Variants in NPAS2 observed in about 807,000 individuals in gnomAD.
NPAS2 encodes the protein neuronal PAS domain protein 2.
A neutral mutation model predicts 107.5 loss-of-function variants in NPAS2; 23 were observed. The ratio of observed to expected loss-of-function variants is 0.21; its 90% CI spans 0.15 to 0.30. The LOEUF (loss-of-function observed/expected upper bound fraction) is 0.30. Ranked by LOEUF, NPAS2 falls within the 10% of genes least tolerant of loss-of-function variation. The pLI is 1.00. For synonymous variants in NPAS2, 403 were observed against 417.5 expected (o/e 0.97, Z 0.42); for missense variants, 756 against 1,043.3 (o/e 0.72, Z 3.79).
Position 100,820,890 on chromosome 2 carries a change from C to T in NPAS2, c.-23+476C>T. On this transcript the variant is annotated intron_variant, in intron 1 of 20. Transcript: ENST00000335681. The surrounding 1 kb of genome is among the most constrained non-coding windows in gnomAD (Gnocchi z 5.6). The stretch of plus-strand genomic sequence containing the variant: ...CCTGGGCCCGCGGTCTCTCGGAGTC[C>T]CTGGGTCGGAATTGGTTCCGGGCCG... 1 of 462,272 alleles carries T rather than the reference C, an allele frequency of 2.2e-6. No individual in the cohort carries two copies. Among genetic ancestry groups the T allele is most frequent in the Non-Finnish European group, 3.7e-6 (1 of 268,710 alleles). The allele number at this position is 462,272 out of a possible 1,614,324, so 28.6% of individuals were successfully genotyped here.
At chr2:100,900,568 A>G (rs1321948503) in intron 1 of NPAS2, among the ~76,000 whole-genome samples, 1 of 152,160 alleles carries the variant, frequency 6.6e-6, no homozygotes, top group Non-Finnish European at 1.5e-5. Flanking sequence ...TCCTAGATAT[A>G]TACACCCAAG....
chr2:100,977,617 C>T (rs994803742), intron 14 of NPAS2, 93 bp from the exon 15 acceptor site: 37 of 1,058,332 alleles, frequency 3.5e-5, no homozygotes, highest in Admixed American at 2.3e-4. Flanking sequence ...CACCCCAGTG[C>T]GGAACGCAGA....
intron 1 of NPAS2, among the ~76,000 whole-genome samples, chr2:100,841,967 C>T (rs966495931): frequency 1.5e-4 from 23 of 152,278 alleles, no homozygotes; most frequent in African/African-American, 4.8e-4. Context: ...CACAAGCATG[C>T]ACAGCATATT....
intron 1 of NPAS2, among the ~76,000 whole-genome samples, chr2:100,835,520 C>T (rs994705114): frequency 3.9e-5 from 6 of 152,172 alleles, no homozygotes; most frequent in African/African-American, 9.7e-5. Flanking sequence ...AAAAGAGGAA[C>T]GCTTGCAGGA....
chr2:100,926,852 C>G (rs1192612068), intron 3 of NPAS2, among the ~76,000 whole-genome samples: 1 of 151,838 alleles, frequency 6.6e-6, no homozygotes, highest in Non-Finnish European at 1.5e-5. Context: ...GGCATTCTAT[C>G]TAAGAAATCA....
intron 1 of NPAS2, among the ~76,000 whole-genome samples, chr2:100,843,189 A>C (rs558553789): frequency 1.3e-5 from 2 of 149,988 alleles, no homozygotes; most frequent in African/African-American, 4.9e-5. Flanking sequence ...ACTGCACTCC[A>C]GCCTGGTGAC....
chr2:100,990,672 T>C, intron 18 of NPAS2, 108 bp from the exon 19 acceptor site: 2 of 1,125,718 alleles, frequency 1.8e-6, no homozygotes, highest in South Asian at 2.6e-5. Flanking sequence ...GAGTGGGGAT[T>C]AGAGTCAACC....
intron 5 of NPAS2, among the ~76,000 whole-genome samples, chr2:100,945,610 C>T (rs1361130651): frequency 6.6e-6 from 1 of 152,218 alleles, no homozygotes; most frequent in Non-Finnish European, 1.5e-5. Flanking sequence ...CGAGGCCTCT[C>T]TCATCTGGGC....
chr2:100,982,057 C>T (rs1677475463), intron 15 of NPAS2, among the ~76,000 whole-genome samples, 174 bp from the exon 16 acceptor site: 1 of 152,212 alleles, frequency 6.6e-6, no homozygotes, highest in Non-Finnish European at 1.5e-5. Context: ...GATGCCCAGA[C>T]CTCATCTGCA....
intron 7 of NPAS2, among the ~76,000 whole-genome samples, chr2:100,950,412 G>A (rs1338691700): frequency 6.6e-6 from 1 of 152,232 alleles, no homozygotes; most frequent in Non-Finnish European, 1.5e-5. Flanking sequence ...AGCAGATGAT[G>A]ACAGCATTAA....
intron 7 of NPAS2, among the ~76,000 whole-genome samples, chr2:100,957,921 C>T (rs1675675685): frequency 6.6e-6 from 1 of 151,880 alleles, no homozygotes; most frequent in Non-Finnish European, 1.5e-5. Context: ...GAGCGAAACT[C>T]AGTCTCAAAA....
chr2:100,980,271 G>T (rs541414463), intron 15 of NPAS2, among the ~76,000 whole-genome samples: 29 of 152,292 alleles, frequency 1.9e-4, no homozygotes, highest in African/African-American at 6.5e-4. Flanking sequence ...GGTGGAAGGG[G>T]CAACGCTGAG....
chr2:100,821,611 TCCC>T (rs1371166850), intron 1 of NPAS2, among the ~76,000 whole-genome samples: 1 of 152,160 alleles, frequency 6.6e-6, no homozygotes. Flanking sequence ...CTAAAGTAGT[TCCC>T]AGCAAGACAT....
At position 100,990,005 on chromosome 2, in the gene NPAS2, C is replaced by T. The variant is rs112382660; in HGVS notation, c.1828-251C>T. On this transcript the variant is annotated intron_variant, in intron 17 of 20. Coordinates refer to ENST00000335681, the MANE Select transcript of NPAS2 (RefSeq NM_002518.4). ...CATGTGTCTGCAGTAGAATTTGAAG[C>T]AGAAAGTAGTTCAGTTCAAGGCACA... The T allele has an allele frequency of 5.6e-4, 276 of 489,230 alleles. 3 individuals are homozygous for T. The highest frequency in any genetic ancestry group is 4.8e-3 in the African/African-American group (248 of 52,096). The allele number at this position is 489,230 out of a possible 1,614,324, so 30.3% of individuals were successfully genotyped here.
intron 1 of NPAS2, among the ~76,000 whole-genome samples, chr2:100,892,862 C>T (rs753602801): frequency 6.6e-6 from 1 of 152,060 alleles, no homozygotes; most frequent in Non-Finnish European, 1.5e-5. Flanking sequence ...GGATTACAGG[C>T]GTGCACCAAC....
At chr2:100,863,652 A>G (rs570523557) in intron 1 of NPAS2, among the ~76,000 whole-genome samples, 8 of 152,334 alleles carry the variant, frequency 5.3e-5, no homozygotes, top group Non-Finnish European at 1.5e-5. Flanking sequence ...AGGAATGAGA[A>G]ATAAATGCTA....
chr2:100,948,415 A>G, intron 6 of NPAS2, 60 bp downstream of exon 6: 1 of 1,481,686 alleles, frequency 6.7e-7, no homozygotes, highest in Non-Finnish European at 9.1e-7. Flanking sequence ...TTTTGAAAGG[A>G]GGTTAGAATG....
intron 1 of NPAS2, among the ~76,000 whole-genome samples, chr2:100,862,441 G>A (rs1189382592): frequency 2.6e-5 from 4 of 152,176 alleles, no homozygotes; most frequent in Admixed American, 6.5e-5. Context: ...CAAAGTTGGA[G>A]GGTTTCATTG....
At chr2:100,970,123 G>T (rs1252699499) in intron 11 of NPAS2, among the ~76,000 whole-genome samples, 1 of 152,208 alleles carries the variant, frequency 6.6e-6, no homozygotes, top group Non-Finnish European at 1.5e-5. Flanking sequence ...TTCCCAGCCT[G>T]CCACTGGGCG....
Sources: allele counts gnomAD v4.1 joint callset (sites outside exome capture counted in the v4.1 genomes callset), GRCh38; gene constraint gnomAD v4.1.1; non-coding constraint Gnocchi (gnomAD v3.1); transcripts MANE v1.5; gene names NCBI Gene and HGNC (gene_info 2026-07-23, HGNC 2026-07-21).